The following PCDHGA9 variants were observed in gnomAD, a reference collection of about 807,000 sequenced individuals.
PCDHGA9 encodes protocadherin gamma-A9.
PCDHGA9 carries 37 observed loss-of-function variants against 62.5 expected under a neutral mutation model. The observed-to-expected ratio is 0.59, with a 90% CI of 0.46 to 0.78. The LOEUF (loss-of-function observed/expected upper bound fraction) is 0.78, where lower values mean the gene tolerates loss of function less well. Ranked by LOEUF, PCDHGA9 falls within the 30% of genes least tolerant of loss-of-function variation. The pLI, the probability that PCDHGA9 is intolerant of heterozygous loss-of-function variation, is 0.00. For missense variants in PCDHGA9, 1,138 were observed against 1,166.2 expected, an observed-to-expected ratio of 0.98 and a Z score of 0.35; for synonymous variants, 459 against 484.6, an observed-to-expected ratio of 0.95 and a Z score of 0.69.
chr5:141,441,887 A>G, intron 1 of PCDHGA9: 1 of 344,596 alleles, frequency 2.9e-6, no homozygotes, highest in African/African-American at 2.2e-5. Context: ...CTGGTCACCA[A>G]GGTGGTGGCT....
Position 141,491,324 on chromosome 5 carries a change from T to C in PCDHGA9, c.2425-3483T>C, listed in dbSNP as rs762200164. 16 of 1,614,060 alleles carry C rather than the reference T, an allele frequency of 9.9e-6. No homozygotes were observed. The highest frequency in any genetic ancestry group is 8.3e-5 in the Admixed American group (5 of 60,010). On this transcript the variant is annotated intron_variant, in intron 1 of 3. Transcript: ENST00000573521. This position sits in a 1 kb window ranked among gnomAD's most constrained non-coding sequence, Gnocchi z 6.9. ...CGTTCAGACCTTACCCTTTACCTCA[T>C]TGTGGCTCTAGCGACCGTCAGTCTC...
At chr5:141,461,963 C>T (rs1396490046) in intron 1 of PCDHGA9, among the ~76,000 whole-genome samples, 1 of 152,084 alleles carries the variant, frequency 6.6e-6, no homozygotes, top group Non-Finnish European at 1.5e-5. Flanking sequence ...AGCTGGGATT[C>T]CAGGCATATG....
chr5:141,496,083 C>T (rs1267834920), intron 2 of PCDHGA9, among the ~76,000 whole-genome samples: 8 of 151,904 alleles, frequency 5.3e-5, no homozygotes, highest in Admixed American at 3.3e-4. Flanking sequence ...CAACCCCCCA[C>T]CCACCACCCA....
At chr5:141,502,552 T>C (rs1217408446) in intron 2 of PCDHGA9, among the ~76,000 whole-genome samples, 1 of 152,146 alleles carries the variant, frequency 6.6e-6, no homozygotes, top group Non-Finnish European at 1.5e-5. Context: ...AAAAACAGTG[T>C]CCCAGATCTC....
chr5:141,484,757 T>C (rs2099600412), intron 1 of PCDHGA9, among the ~76,000 whole-genome samples: 1 of 151,626 alleles, frequency 6.6e-6, no homozygotes, highest in East Asian at 1.9e-4. Flanking sequence ...AATGTATATA[T>C]ATATATATGT....
intron 1 of PCDHGA9, among the ~76,000 whole-genome samples, chr5:141,456,083 G>A (rs2098842632): frequency 6.6e-6 from 1 of 151,960 alleles, no homozygotes; most frequent in South Asian, 2.1e-4. Context: ...ATTTTCAGTA[G>A]AGACGGGATT....
intron 1 of PCDHGA9, chr5:141,412,990 C>T: frequency 1.8e-6 from 1 of 569,958 alleles, no homozygotes. Flanking sequence ...AGAGCTCAAT[C>T]CGGATTCTCA....
intron 1 of PCDHGA9, 100 bp from the exon 2 acceptor site, chr5:141,494,707 G>A: frequency 2.5e-6 from 4 of 1,599,238 alleles, no homozygotes; most frequent in Non-Finnish European, 3.4e-6. Context: ...TCTTCTCTGT[G>A]CCCACTCCCC....
intron 1 of PCDHGA9, among the ~76,000 whole-genome samples, chr5:141,407,512 T>C (rs910710605): frequency 6.6e-6 from 1 of 152,192 alleles, no homozygotes; most frequent in East Asian, 1.9e-4. Context: ...TCTTAGGCTA[T>C]GTAGGACTTA....
intron 1 of PCDHGA9, chr5:141,422,634 T>C: frequency 1.9e-6 from 3 of 1,612,682 alleles, no homozygotes; most frequent in Non-Finnish European, 2.5e-6. Flanking sequence ...ACCCCAGGGG[T>C]GCCTCCATCT....
At chr5:141,413,202 G>T (rs768256888) in intron 1 of PCDHGA9, 19 of 1,612,062 alleles carry the variant, frequency 1.2e-5, no homozygotes, top group Non-Finnish European at 1.6e-5. Flanking sequence ...ATCGCTCAAA[G>T]GAATCAAAGG....
Position 141,490,672 on chromosome 5 carries a change from G to T in PCDHGA9, c.2425-4135G>T. The T allele has an allele frequency of 6.2e-7, 1 of 1,614,114 alleles. No homozygotes were observed. Among genetic ancestry groups the T allele is most frequent in the Non-Finnish European group, 8.5e-7 (1 of 1,179,996 alleles). ...GGGCTCCCTTCTTTGCACTGTGGCT[G>T]CCTCAGATCCAGACACTGGGGATAA... On this transcript the variant is annotated intron_variant, in intron 1 of 3. Coordinates refer to ENST00000573521, the MANE Select transcript of PCDHGA9 (RefSeq NM_018921.3). The surrounding 1 kb of genome is among the most constrained non-coding windows in gnomAD (Gnocchi z 5.4).
chr5:141,468,549 C>T (rs1289802190), intron 1 of PCDHGA9: 2 of 151,940 alleles, frequency 1.3e-5, no homozygotes, highest in Non-Finnish European at 2.9e-5. Flanking sequence ...ACATATTTAA[C>T]ATTTGTGATA....
chr5:141,438,319 T>C (rs934592523), intron 1 of PCDHGA9, among the ~76,000 whole-genome samples: 1 of 151,982 alleles, frequency 6.6e-6, no homozygotes, highest in African/African-American at 2.4e-5. Flanking sequence ...CACCATAATT[T>C]TTCTTATACA....
At chr5:141,414,678 G>A (rs1276367800) in intron 1 of PCDHGA9, 14 of 1,613,856 alleles carry the variant, frequency 8.7e-6, no homozygotes, top group African/African-American at 1.3e-5. Context: ...ACACCATCCA[G>A]GGGGTACCTC....
At chr5:141,413,221 G>C (rs1384304697) in intron 1 of PCDHGA9, 1 of 1,613,570 alleles carries the variant, frequency 6.2e-7, no homozygotes, top group South Asian at 1.1e-5. Context: ...GGATTGCAGC[G>C]GGCTGGTCCT....
At position 141,489,870 on chromosome 5, in the gene PCDHGA9, G is replaced by T; in HGVS notation, c.2425-4937G>T. On this transcript the variant is annotated intron_variant, in intron 1 of 3. Transcript: ENST00000573521. The surrounding 1 kb of genome is among the most constrained non-coding windows in gnomAD (Gnocchi z 4.5). ...GTGAAGCCCAGGCAAGACATCAGCT[G>T]GTGCTTACTGCTGTGGATGGGGGGA... 1.2e-6 allele frequency: 2 copies of T among 1,614,220 alleles called. No individual in the cohort carries two copies. The highest frequency in any genetic ancestry group is 1.7e-6 in the Non-Finnish European group (2 of 1,180,024).
intron 1 of PCDHGA9, chr5:141,427,535 C>T (rs746067304): frequency 8.0e-6 from 5 of 626,498 alleles, no homozygotes; most frequent in South Asian, 7.6e-5. Flanking sequence ...CGGAGTACAA[C>T]GTCACCATCA....
At chr5:141,474,212 C>T (rs892802269) in intron 1 of PCDHGA9, among the ~76,000 whole-genome samples, 5 of 152,078 alleles carry the variant, frequency 3.3e-5, no homozygotes, top group African/African-American at 1.2e-4. Flanking sequence ...TTTCAAAAAC[C>T]AGATTGTGAA....
Sources: allele counts gnomAD v4.1 joint callset (sites outside exome capture counted in the v4.1 genomes callset), GRCh38; gene constraint gnomAD v4.1.1; non-coding constraint Gnocchi (gnomAD v3.1); transcripts MANE v1.5; gene names NCBI Gene and HGNC (gene_info 2026-07-23, HGNC 2026-07-21).